Variants in ZNF804A observed in about 807,000 individuals in gnomAD.
ZNF804A encodes zinc finger protein 804A.
ZNF804A carries 2 observed loss-of-function variants against 16.5 expected under a neutral mutation model. The observed-to-expected ratio is 0.12, with a 90% CI of 0.05 to 0.38. ZNF804A has a LOEUF of 0.38. Ranked by LOEUF, ZNF804A falls within the 10% of genes least tolerant of loss-of-function variation. The pLI, the probability that ZNF804A is intolerant of heterozygous loss-of-function variation, is 0.99. For missense variants in ZNF804A, 1,473 were observed against 1,390.7 expected (o/e 1.06, Z -0.94); for synonymous variants, 534 against 489.6 (o/e 1.09, Z -1.20).
chr2:184,891,544 A>G (rs543215787), intron 2 of ZNF804A, among the ~76,000 whole-genome samples: 3 of 151,356 alleles, frequency 2.0e-5, no homozygotes, highest in Admixed American at 1.3e-4. Flanking sequence ...TATTTGACAT[A>G]TTATTTCTGA....
intron 2 of ZNF804A, among the ~76,000 whole-genome samples, chr2:184,928,921 G>T (rs1482854314): frequency 1.3e-5 from 2 of 152,206 alleles, no homozygotes; most frequent in Non-Finnish European, 2.9e-5. Context: ...GTTGGGAGAA[G>T]GGAGGCATTG....
At chr2:184,747,901 A>G (rs1237888988) in intron 1 of ZNF804A, among the ~76,000 whole-genome samples, 4 of 151,330 alleles carry the variant, frequency 2.6e-5, no homozygotes, top group Non-Finnish European at 5.9e-5. Context: ...AAGAACATGC[A>G]GTATTTGGTT....
chr2:184,860,401 G>A (rs953379712), intron 1 of ZNF804A, among the ~76,000 whole-genome samples: 2 of 152,212 alleles, frequency 1.3e-5, no homozygotes, highest in African/African-American at 4.8e-5. Context: ...TTGAAGTCTA[G>A]GACCACAAGA....
At chr2:184,721,398 AAAAT>A (rs1318424257) in intron 1 of ZNF804A, among the ~76,000 whole-genome samples, 1 of 152,144 alleles carries the variant, frequency 6.6e-6, no homozygotes, top group Non-Finnish European at 1.5e-5. Context: ...CAACAGTAAA[AAAAT>A]AAATAAAAGT....
At chr2:184,762,315 G>A (rs886286814) in intron 1 of ZNF804A, among the ~76,000 whole-genome samples, 1 of 150,962 alleles carries the variant, frequency 6.6e-6, no homozygotes, top group African/African-American at 2.4e-5. Flanking sequence ...ACAGTAATGT[G>A]TGAAACAGAC....
At chr2:184,926,792 A>G (rs1685619394) in intron 2 of ZNF804A, among the ~76,000 whole-genome samples, 1 of 152,156 alleles carries the variant, frequency 6.6e-6, no homozygotes. Flanking sequence ...TGTTTTTAAG[A>G]AACTCTGATG....
intron 1 of ZNF804A, among the ~76,000 whole-genome samples, chr2:184,615,008 C>T (rs1398830658): frequency 6.6e-6 from 1 of 152,128 alleles, no homozygotes; most frequent in Non-Finnish European, 1.5e-5. Flanking sequence ...ACCAGAAATA[C>T]CATTTGACCC....
At chr2:184,820,202 A>T (rs1695052235) in intron 1 of ZNF804A, among the ~76,000 whole-genome samples, 1 of 151,982 alleles carries the variant, frequency 6.6e-6, no homozygotes, top group Non-Finnish European at 1.5e-5. Context: ...AGCAGCACAT[A>T]AAAAAGGTTA....
intron 2 of ZNF804A, among the ~76,000 whole-genome samples, chr2:184,867,687 T>TA (rs1256471058): frequency 1.3e-5 from 2 of 152,156 alleles, no homozygotes; most frequent in Admixed American, 6.6e-5. Context: ...TTTTCTTACA[T>TA]AAAAATACAT....
intron 1 of ZNF804A, among the ~76,000 whole-genome samples, chr2:184,609,927 C>T (rs1295891146): frequency 1.3e-5 from 2 of 152,144 alleles, no homozygotes; most frequent in Admixed American, 6.5e-5. Context: ...TGAATATGTC[C>T]CCCAGAAGCT....
intron 1 of ZNF804A, among the ~76,000 whole-genome samples, chr2:184,686,532 T>C (rs1692636665): frequency 6.6e-6 from 1 of 152,228 alleles, no homozygotes; most frequent in South Asian, 2.1e-4. Context: ...TTTTGGTAGA[T>C]GATTTACTTT....
intron 1 of ZNF804A, among the ~76,000 whole-genome samples, chr2:184,735,487 A>G (rs1317782101): frequency 6.6e-6 from 1 of 152,136 alleles, no homozygotes; most frequent in Admixed American, 6.5e-5. Context: ...GAAATACCTA[A>G]TGTAGATGAT....
intron 1 of ZNF804A, among the ~76,000 whole-genome samples, chr2:184,710,625 T>C (rs1693109934): frequency 1.3e-5 from 2 of 151,796 alleles, no homozygotes; most frequent in African/African-American, 4.8e-5. Context: ...TTATTCATCT[T>C]GTAAAACTGA....
chr2:184,870,939 C>A (rs1433751031), intron 2 of ZNF804A, among the ~76,000 whole-genome samples: 5 of 151,644 alleles, frequency 3.3e-5, no homozygotes, highest in Non-Finnish European at 5.9e-5. Flanking sequence ...CTATAAAATT[C>A]TTCACATGCA....
At chr2:184,772,314 C>A (rs1208626801) in intron 1 of ZNF804A, among the ~76,000 whole-genome samples, 2 of 150,754 alleles carry the variant, frequency 1.3e-5, no homozygotes, top group Admixed American at 6.6e-5. Context: ...TCTACTCCAG[C>A]CTTATGCAAC....
intron 1 of ZNF804A, among the ~76,000 whole-genome samples, chr2:184,661,149 A>T (rs1692170170): frequency 6.6e-6 from 1 of 152,204 alleles, no homozygotes; most frequent in Admixed American, 6.5e-5. Context: ...GTGGTTCAGC[A>T]GGTGGGAGGG....
chr2:184,729,877 G>C (rs1258479054), intron 1 of ZNF804A, among the ~76,000 whole-genome samples: 2 of 152,120 alleles, frequency 1.3e-5, no homozygotes, highest in African/African-American at 4.8e-5. Flanking sequence ...CACCCTGTGT[G>C]ATCAGGCATT....
rs946131059 is a variant in ZNF804A at position 184,672,277 on chromosome 2, A to T, written c.111+73207A>T. On this transcript the variant is annotated intron_variant, in intron 1 of 3. Transcript: ENST00000302277. The stretch of plus-strand genomic sequence containing the variant: ...ACAGTTTCAGAAGTTAAAAAAATAA[A>T]GAAAAATGAGAAACTGTAGATGACT... 2.6e-5 allele frequency among the ~76,000 whole-genome samples: 4 copies of T among 152,216 alleles called. No homozygotes were observed. In the South Asian group the frequency reaches 6.2e-4, roughly 24 times the overall value.
chr2:184,816,232 C>T (rs1008460389), intron 1 of ZNF804A, among the ~76,000 whole-genome samples: 19 of 152,018 alleles, frequency 1.2e-4, no homozygotes, highest in African/African-American at 4.6e-4. Context: ...AGCAATGGCG[C>T]CTAATTCCCC....
Sources: allele counts gnomAD v4.1 joint callset (sites outside exome capture counted in the v4.1 genomes callset), GRCh38; gene constraint gnomAD v4.1.1; transcripts MANE v1.5; gene names NCBI Gene and HGNC (gene_info 2026-07-23, HGNC 2026-07-21).